CSMD1: variants seen among roughly 807,000 people sequenced by gnomAD.
CSMD1 encodes the protein CUB and sushi domain-containing protein 1.
In CSMD1, 213 loss-of-function variants were observed where a neutral mutation model predicts 417.5. The observed-to-expected ratio is 0.51, with a 90% confidence interval of 0.46 to 0.57. CSMD1 has a LOEUF of 0.57. Ranked by LOEUF, CSMD1 falls within the 20% of genes least tolerant of loss-of-function variation. The probability of loss-of-function intolerance (pLI) is 0.00; values close to 1 mark genes in which losing one functional copy is unlikely to be tolerated. For missense variants in CSMD1, 6,923 were observed against 4,529.7 expected (o/e 1.53, Z -15.17); for synonymous variants, 2,862 against 1,736.8 (o/e 1.65, Z -16.11).
chr8:4,041,004 C>CTTTCT lies in CSMD1; in HGVS notation c.416-8906_416-8905insAGAAA, dbSNP rs1250415506. ...CGTGGTCCTATATTTTCTTTTCTTTCTTTTTTTTTTTCCTTTTTTTTTTTT... is the reference window on the plus strand; with the variant it reads ...CGTGGTCCTATATTTTCTTTTCTTTCTTTCTTTTTTTTTTTTCCTTTTTTTTTTTT... On this transcript the variant is annotated intron_variant, in intron 3 of 69. Transcript: ENST00000635120. Among the ~76,000 whole-genome samples, 518 of 129,744 alleles carry CTTTCT rather than the reference C, an allele frequency of 4.0e-3. 2 individuals carry two copies. The highest frequency in any genetic ancestry group is 0.013 in the African/African-American group (453 of 35,732). 85.1% of individuals were successfully genotyped at this position (129,744 alleles called of 152,430 possible).
At position 4,311,681 on chromosome 8, in the gene CSMD1, C is replaced by T. The variant is rs13261966; in HGVS notation, c.415+108272G>A. Among the ~76,000 whole-genome samples, 4 of 148,214 alleles carry T rather than the reference C, an allele frequency of 2.7e-5. No homozygotes were observed. In the East Asian group the frequency reaches 8.2e-4, roughly 30 times the overall value. On this transcript the variant is annotated intron_variant, in intron 3 of 69. Coordinates refer to ENST00000635120, the MANE Select transcript of CSMD1 (RefSeq NM_033225.6). ...GAGGCTGCAGTGAGCCGAGATTGTG[C>T]CACAGCACTCCAGCCTGGGCAACAA... is the stretch of plus-strand genomic sequence containing the variant.
intron 18 of CSMD1, among the ~76,000 whole-genome samples, chr8:3,376,771 G>A (rs1401735125): frequency 1.4e-5 from 2 of 141,576 alleles, no homozygotes; most frequent in African/African-American, 5.3e-5. Flanking sequence ...CGTGTTTCAT[G>A]TTGATATACA....
chr8:4,928,165 C>A (rs1025093684), intron 1 of CSMD1, among the ~76,000 whole-genome samples: 1 of 152,128 alleles, frequency 6.6e-6, no homozygotes, highest in African/African-American at 2.4e-5. Context: ...ATAGACTTTC[C>A]CGTTGCCATT....
At chr8:3,418,667 G>A (rs35053105) in intron 12 of CSMD1, among the ~76,000 whole-genome samples, 2,850 of 152,188 alleles carry the variant, frequency 0.019, 54 homozygotes, top group East Asian at 0.096. Context: ...AGGTTTTCCA[G>A]TGATCCCACT....
chr8:4,413,157 G>C (rs1030771028), intron 3 of CSMD1, among the ~76,000 whole-genome samples: 1 of 152,184 alleles, frequency 6.6e-6, no homozygotes, highest in South Asian at 2.1e-4. Context: ...CAGTGGACCA[G>C]AATAATCAGA....
intron 3 of CSMD1, among the ~76,000 whole-genome samples, chr8:4,036,177 C>A (rs1352664406): frequency 6.6e-6 from 1 of 152,168 alleles, no homozygotes; most frequent in East Asian, 1.9e-4. Flanking sequence ...TAAGTGTGCT[C>A]TGTGATGTTT....
At chr8:4,886,584 T>C (rs1314115438) in intron 1 of CSMD1, among the ~76,000 whole-genome samples, 2 of 151,940 alleles carry the variant, frequency 1.3e-5, no homozygotes, top group Non-Finnish European at 2.9e-5. Context: ...TAGGTCTTCT[T>C]TAATTGTTTC....
chr8:3,902,115 C>T (rs1474116918), intron 5 of CSMD1, among the ~76,000 whole-genome samples: 1 of 152,118 alleles, frequency 6.6e-6, no homozygotes, highest in African/African-American at 2.4e-5. Context: ...CATTGCTAAG[C>T]CTTAATATGA....
At chr8:3,918,405 A>G (rs191828339) in intron 5 of CSMD1, among the ~76,000 whole-genome samples, 122 of 152,140 alleles carry the variant, frequency 8.0e-4, no homozygotes, top group Middle Eastern at 3.4e-3. Flanking sequence ...ATCACGTGAT[A>G]TATTCTTGTG....
intron 1 of CSMD1, among the ~76,000 whole-genome samples, chr8:4,794,913 G>T (rs1169609218): frequency 2.6e-5 from 4 of 151,960 alleles, no homozygotes; most frequent in Admixed American, 2.0e-4. Flanking sequence ...ATCAGGAGTT[G>T]GTCATTTAGA....
chr8:3,165,359 T>C (rs1287746667), intron 37 of CSMD1, among the ~76,000 whole-genome samples: 4 of 152,144 alleles, frequency 2.6e-5, no homozygotes, highest in Admixed American at 2.0e-4. Context: ...ATGCACTAAT[T>C]CGCTTGCAAC....
At chr8:4,620,007 T>C (rs1478276) in intron 2 of CSMD1, among the ~76,000 whole-genome samples, 22,133 of 151,958 alleles carry the variant, frequency 0.15, 1,807 homozygotes, top group East Asian at 0.25. Flanking sequence ...TTCTTAAGCA[T>C]TGATTTTATA....
chr8:3,933,003 A>C (rs1450846845), intron 5 of CSMD1, among the ~76,000 whole-genome samples: 1 of 149,108 alleles, frequency 6.7e-6, no homozygotes, highest in Non-Finnish European at 1.5e-5. Context: ...TTAAATGTTT[A>C]ACATTATAGA....
intron 20 of CSMD1, 83 bp downstream of exon 20, chr8:3,366,949 C>G: frequency 9.5e-7 from 1 of 1,053,068 alleles, no homozygotes; most frequent in South Asian, 1.4e-5. Flanking sequence ...ATTACACACA[C>G]ACACACACCC....
chr8:4,395,852 A>G (rs1374365464), intron 3 of CSMD1, among the ~76,000 whole-genome samples: 1 of 152,226 alleles, frequency 6.6e-6, no homozygotes, highest in African/African-American at 2.4e-5. Context: ...TGATAGCATG[A>G]AAACCATTAC....
chr8:3,842,930 T>C (rs1309675588), intron 5 of CSMD1, among the ~76,000 whole-genome samples: 2 of 152,284 alleles, frequency 1.3e-5, no homozygotes, highest in South Asian at 2.1e-4. Flanking sequence ...ACTGAAGATG[T>C]TCCTAGAATT....
chr8:4,598,220 C>G (rs1039415220), intron 2 of CSMD1, among the ~76,000 whole-genome samples: 1 of 152,116 alleles, frequency 6.6e-6, no homozygotes, highest in Non-Finnish European at 1.5e-5. Context: ...TATTTACATG[C>G]CTGAGAGCTC....
At chr8:4,013,646 C>A (rs113145523) in intron 4 of CSMD1, among the ~76,000 whole-genome samples, 2 of 152,180 alleles carry the variant, frequency 1.3e-5, no homozygotes, top group African/African-American at 2.4e-5. Context: ...TATCTCCACC[C>A]ATTAAAATGA....
rs936932654 is a variant in CSMD1 at position 3,288,427 on chromosome 8, C to G, written c.3951-4081G>C. Among the ~76,000 whole-genome samples, 4 of 146,972 alleles carry G rather than the reference C, an allele frequency of 2.7e-5. 1 individual carries two copies. Among genetic ancestry groups the G allele is most frequent in the African/African-American group, 5.4e-5 (2 of 36,790 alleles). ...GAATTCGGCTGTGAATCCATCTGGT[C>G]CTGGACTTTTTTTGGTTGGTAAGCT... On this transcript the variant is annotated intron_variant, in intron 25 of 69. Coordinates refer to ENST00000635120, the MANE Select transcript of CSMD1 (RefSeq NM_033225.6).
Sources: allele counts gnomAD v4.1 joint callset (sites outside exome capture counted in the v4.1 genomes callset), GRCh38; gene constraint gnomAD v4.1.1; transcripts MANE v1.5; gene names NCBI Gene and HGNC (gene_info 2026-07-23, HGNC 2026-07-21).